Variants in C12orf56 observed in about 807,000 individuals in gnomAD.
C12orf56 encodes uncharacterized protein C12orf56.
Under a neutral mutation model 69.9 loss-of-function variants are expected in C12orf56, and 71 were observed. The ratio of observed to expected loss-of-function variants is 1.02; its 90% confidence interval spans 0.84 to 1.24. The LOEUF (loss-of-function observed/expected upper bound fraction) is 1.24, where lower values mean the gene tolerates loss of function less well. Ranked by LOEUF, C12orf56 falls within the 50% of genes most tolerant of loss-of-function variation. The pLI, the probability that C12orf56 is intolerant of heterozygous loss-of-function variation, is 0.00. For missense variants in C12orf56, 732 were observed against 738.5 expected, an observed-to-expected ratio of 0.99 and a Z score of 0.10; for synonymous variants, 276 against 274.1, an observed-to-expected ratio of 1.01 and a Z score of -0.07.
chr12:64,346,249 C>T (rs1298873849), intron 2 of C12orf56, among the ~76,000 whole-genome samples: 6 of 152,108 alleles, frequency 3.9e-5, no homozygotes, highest in African/African-American at 1.2e-4. Context: ...TGGAGCCCGA[C>T]GTTCGAGGGC....
chr12:64,371,666 A>T (rs956088296), intron 1 of C12orf56, among the ~76,000 whole-genome samples: 5 of 151,834 alleles, frequency 3.3e-5, no homozygotes, highest in Admixed American at 6.6e-5. Flanking sequence ...CCCGGCTCTA[A>T]GAAAAATACA....
chr12:64,346,380 C>T (rs2039142513), intron 2 of C12orf56, among the ~76,000 whole-genome samples: 1 of 152,154 alleles, frequency 6.6e-6, no homozygotes, highest in African/African-American at 2.4e-5. Flanking sequence ...TATGCCCACC[C>T]AGATAAAGGG....
intron 2 of C12orf56, among the ~76,000 whole-genome samples, chr12:64,349,704 AT>A (rs1487637851): frequency 6.6e-6 from 1 of 152,206 alleles, no homozygotes; most frequent in Non-Finnish European, 1.5e-5. Flanking sequence ...ATTGGAGACT[AT>A]TATTCTAAGT....
intron 1 of C12orf56, among the ~76,000 whole-genome samples, chr12:64,379,726 C>G (rs2039685858): frequency 6.6e-6 from 1 of 151,816 alleles, no homozygotes; most frequent in Admixed American, 6.6e-5. Flanking sequence ...AAGAAGAAAG[C>G]TGGAAAAGAA....
At chr12:64,333,950 G>C (rs1436406939) in intron 2 of C12orf56, among the ~76,000 whole-genome samples, 1 of 152,208 alleles carries the variant, frequency 6.6e-6, no homozygotes, top group Non-Finnish European at 1.5e-5. Flanking sequence ...GAGTCTGGCA[G>C]GTGTAAGGCA....
At chr12:64,270,005 AC>A (rs1207550931) in intron 12 of C12orf56, among the ~76,000 whole-genome samples, 33 of 152,248 alleles carry the variant, frequency 2.2e-4, no homozygotes, top group African/African-American at 7.0e-4. Context: ...TTGATGTTTC[AC>A]TAGTCTTTTC....
At chr12:64,351,386 A>G (rs2039220018) in intron 2 of C12orf56, among the ~76,000 whole-genome samples, 1 of 152,154 alleles carries the variant, frequency 6.6e-6, no homozygotes, top group Non-Finnish European at 1.5e-5. Flanking sequence ...TCAAAGCCCT[A>G]GGAAAGAAAG....
intron 1 of C12orf56, among the ~76,000 whole-genome samples, chr12:64,359,034 C>T (rs1485519448): frequency 2.6e-5 from 4 of 152,116 alleles, no homozygotes; most frequent in Non-Finnish European, 5.9e-5. Context: ...TGAGGAATGA[C>T]ATGTACAGGA....
intron 1 of C12orf56, among the ~76,000 whole-genome samples, chr12:64,361,881 C>T (rs776145310): frequency 1.6e-4 from 24 of 151,962 alleles, no homozygotes; most frequent in Non-Finnish European, 2.6e-4. Flanking sequence ...TACAGGCATG[C>T]GCCACCACGC....
chr12:64,304,919 A>G (rs372995405), intron 5 of C12orf56, among the ~76,000 whole-genome samples: 33 of 152,192 alleles, frequency 2.2e-4, no homozygotes, highest in African/African-American at 8.0e-4. Flanking sequence ...TGTTCTATGT[A>G]GATTGATGGA....
intron 1 of C12orf56, among the ~76,000 whole-genome samples, chr12:64,373,472 C>T (rs1484561301): frequency 1.3e-5 from 2 of 152,056 alleles, no homozygotes; most frequent in Non-Finnish European, 1.5e-5. Flanking sequence ...GAAAACAAAA[C>T]CTGATATCCA....
intron 4 of C12orf56, among the ~76,000 whole-genome samples, chr12:64,315,697 C>T (rs1229623693): frequency 1.3e-5 from 2 of 152,012 alleles, no homozygotes; most frequent in African/African-American, 2.4e-5. Context: ...TTTGGGAGGC[C>T]GAGGCAGGCA....
intron 1 of C12orf56, among the ~76,000 whole-genome samples, chr12:64,380,144 C>CAAAAACA (rs2039700980): frequency 2.5e-5 from 2 of 81,600 alleles, no homozygotes; most frequent in African/African-American, 1.0e-4. Context: ...ACAAAACAAA[C>CAAAAACA]AAAAAAAAAC....
In C12orf56 at chr12:64,383,522, G is replaced by A. The variant is rs1029778677; in HGVS notation, c.252+6792C>T. On this transcript the variant is annotated intron_variant, in intron 1 of 12. Coordinates refer to ENST00000543942, the MANE Select transcript of C12orf56 (RefSeq NM_001170633.2). ...CCTCCGAGTAGCTGGGACTACAGAC[G>A]CGTGCCACCACATCCAGCTAATTTT... 3.3e-5 allele frequency among the ~76,000 whole-genome samples: 5 copies of A among 151,944 alleles called. No individual in the cohort carries two copies. In the East Asian group the frequency reaches 7.8e-4, roughly 24 times the overall value.
intron 1 of C12orf56, among the ~76,000 whole-genome samples, chr12:64,354,252 A>G (rs117543861): frequency 6.6e-6 from 1 of 152,214 alleles, no homozygotes; most frequent in South Asian, 2.1e-4. Flanking sequence ...TTCACTTTCT[A>G]TGACAAGCAG....
At chr12:64,350,711 G>T (rs2039211135) in intron 2 of C12orf56, among the ~76,000 whole-genome samples, 1 of 152,192 alleles carries the variant, frequency 6.6e-6, no homozygotes, top group South Asian at 2.1e-4. Flanking sequence ...AAAAGCCCCT[G>T]GCTGGGCTCA....
At chr12:64,278,484 ATATATT>A (rs1274432003) in intron 8 of C12orf56, among the ~76,000 whole-genome samples, 2 of 152,132 alleles carry the variant, frequency 1.3e-5, no homozygotes, top group Non-Finnish European at 2.9e-5. Context: ...TAAAAATTGT[ATATATT>A]TATGGTATAC....
At chr12:64,325,623 A>C in intron 3 of C12orf56, among the ~76,000 whole-genome samples, 1 of 152,154 alleles carries the variant, frequency 6.6e-6, no homozygotes, top group African/African-American at 2.4e-5. Context: ...TATCTTCATT[A>C]ATATAGTGTG....
At chr12:64,285,930 G>A (rs766947527) in intron 7 of C12orf56, 24 bp downstream of exon 7, 10 of 1,431,074 alleles carry the variant, frequency 7.0e-6, no homozygotes, top group African/African-American at 5.8e-5. Flanking sequence ...AAAAAAAATC[G>A]ATGATTATCT....
Sources: allele counts gnomAD v4.1 joint callset (sites outside exome capture counted in the v4.1 genomes callset), GRCh38; gene constraint gnomAD v4.1.1; transcripts MANE v1.5; gene names NCBI Gene and HGNC (gene_info 2026-07-23, HGNC 2026-07-21).